The following RGS12 variants were observed in gnomAD, a reference collection of about 807,000 sequenced individuals.
RGS12 encodes regulator of G protein signaling 12, also known as regulator of G-protein signaling 12.
A neutral mutation model predicts 120.1 loss-of-function variants in RGS12; 66 were observed. The ratio of observed to expected loss-of-function variants is 0.55; its 90% CI spans 0.45 to 0.67. The LOEUF is 0.67. Among genes scored for constraint, RGS12 ranks in the 30% least tolerant of loss-of-function variants. The pLI is 0.00. For missense variants in RGS12, 1,859 were observed against 1,957.7 expected (o/e 0.95, Z 0.95); for synonymous variants, 827 against 804.7 (o/e 1.03, Z -0.47).
chr4:3,375,059 AC>A (rs1717493248), intron 3 of RGS12, among the ~76,000 whole-genome samples: 1 of 151,954 alleles, frequency 6.6e-6, no homozygotes, highest in Non-Finnish European at 1.5e-5. Flanking sequence ...CCCGTAACCA[AC>A]CCATGGGTAT....
intron 4 of RGS12, among the ~76,000 whole-genome samples, chr4:3,392,129 G>A (rs1402535953): frequency 6.6e-6 from 1 of 152,196 alleles, no homozygotes; most frequent in Admixed American, 6.5e-5. Flanking sequence ...AGTAGATCCT[G>A]AGTGTGGGGA....
intron 17 of RGS12, chr4:3,431,197 G>A: frequency 7.2e-7 from 1 of 1,384,826 alleles, no homozygotes; most frequent in Non-Finnish European, 9.3e-7. Context: ...CTGGTGTCCT[G>A]AGAGGCTCTT....
chr4:3,413,800 G>A (rs768237634), intron 4 of RGS12: 3 of 442,112 alleles, frequency 6.8e-6, no homozygotes, highest in Non-Finnish European at 1.2e-5. Context: ...CAAGGGTGCT[G>A]TGTGGGCCTG....
At chr4:3,388,764 G>A (rs541281585) in intron 4 of RGS12, among the ~76,000 whole-genome samples, 6 of 152,186 alleles carry the variant, frequency 3.9e-5, no homozygotes, top group South Asian at 4.1e-4. Context: ...GGGTCGGGGT[G>A]GGGGGGTGGT....
chr4:3,299,275 C>T (rs999795137), intron 1 of RGS12, among the ~76,000 whole-genome samples: 1 of 152,068 alleles, frequency 6.6e-6, no homozygotes, highest in South Asian at 2.1e-4. Context: ...CTGCCTCTTC[C>T]CCAGTGACCT....
intron 4 of RGS12, among the ~76,000 whole-genome samples, chr4:3,405,262 C>A (rs1023846062): frequency 6.6e-6 from 1 of 152,316 alleles, no homozygotes; most frequent in East Asian, 1.9e-4. Context: ...GAAACGACAG[C>A]GGACAAATCT....
chr4:3,343,894 C>T (rs1345733772), intron 3 of RGS12, among the ~76,000 whole-genome samples: 3 of 152,184 alleles, frequency 2.0e-5, no homozygotes, highest in African/African-American at 4.8e-5. Context: ...GTCATGTTTT[C>T]AAGATTTACT....
chr4:3,372,523 T>A lies in RGS12; in HGVS notation c.1999-13893T>A, dbSNP rs1471839189. The stretch of plus-strand genomic sequence containing the variant: ...TCCCCCTGTGCTCGAGCTAGGGGTT[T>A]GACTTTAGTCCTCAGCTGTCAGAGG... On this transcript the variant is annotated intron_variant, in intron 3 of 17. Coordinates refer to ENST00000336727, the MANE Select transcript of RGS12 (RefSeq NM_001394154.1). This position sits in a 1 kb window ranked among gnomAD's most constrained non-coding sequence, Gnocchi z 4.3. 6.6e-6 allele frequency among the ~76,000 whole-genome samples: 1 copy of A among 152,184 alleles called. No individual in the cohort carries two copies. Among genetic ancestry groups the A allele is most frequent in the Non-Finnish European group, 1.5e-5 (1 of 68,030 alleles).
intron 16 of RGS12, 105 bp downstream of exon 16, chr4:3,428,816 TC>T: frequency 1.0e-6 from 1 of 994,070 alleles, no homozygotes; most frequent in Non-Finnish European, 1.5e-6. Context: ...GTGACTGCGG[TC>T]CGTCCCTGTG....
intron 2 of RGS12, among the ~76,000 whole-genome samples, chr4:3,335,363 T>C (rs1221134962): frequency 1.3e-5 from 2 of 152,244 alleles, no homozygotes; most frequent in Non-Finnish European, 2.9e-5. Context: ...CTTTTGGGCT[T>C]GGAATTCTTC....
chr4:3,306,637 C>T (rs961194720), intron 1 of RGS12, among the ~76,000 whole-genome samples: 2 of 152,186 alleles, frequency 1.3e-5, no homozygotes, highest in East Asian at 1.9e-4. Flanking sequence ...GCTCCGGCAC[C>T]GAAGCCTCAG....
At chr4:3,301,123 G>T (rs553808296) in intron 1 of RGS12, among the ~76,000 whole-genome samples, 37 of 150,586 alleles carry the variant, frequency 2.5e-4, no homozygotes, top group African/African-American at 8.1e-4. Flanking sequence ...CACGGGGTCT[G>T]TCCCGGCTGC....
rs748954904 is a variant in RGS12, at chr4:3,415,037, A to G, written c.2283+193A>G. On this transcript the variant is annotated intron_variant, in intron 6 of 17. Transcript: ENST00000336727. ...TGTGTGAGAGGGGCGTGTGAGAGGG[A>G]CGTGTGAGAGGGCCACCTGTGTGTG... Among the ~76,000 whole-genome samples the G allele has an allele frequency of 3.6e-3, 222 of 60,896 alleles. 2 individuals carry two copies. Among genetic ancestry groups the G allele is most frequent in the Admixed American group, 2.6e-3 (16 of 6,180 alleles). 40.0% of individuals were successfully genotyped at this position (60,896 alleles called of 152,430 possible).
intron 16 of RGS12, among the ~76,000 whole-genome samples, chr4:3,429,468 A>G (rs10488841): frequency 0.05 from 7,617 of 152,272 alleles, 655 homozygotes; most frequent in African/African-American, 0.17. Context: ...TTTGTTGGCC[A>G]CCGAGCACAA....
chr4:3,409,052 A>G (rs1577063459), intron 4 of RGS12, among the ~76,000 whole-genome samples: 2 of 151,974 alleles, frequency 1.3e-5, no homozygotes, highest in East Asian at 1.9e-4. Context: ...AGCTAAAGCA[A>G]CTCTCACTTG....
rs759264831 is a variant in RGS12, at chr4:3,383,303, G to A, written c.1999-3113G>A. The stretch of plus-strand genomic sequence containing the variant: ...TTCCCTTTACTCTTTTTGGAGTAGC[G>A]GTATATTAAAAAGCATGTTTGGGTG... On this transcript the variant is annotated intron_variant, in intron 3 of 17. Transcript: ENST00000336727. 2.3e-4 allele frequency among the ~76,000 whole-genome samples: 35 copies of A among 152,054 alleles called. 1 individual carries two copies. Among genetic ancestry groups the A allele is most frequent in the African/African-American group, 5.3e-4 (22 of 41,476 alleles).
intron 1 of RGS12, among the ~76,000 whole-genome samples, chr4:3,300,390 G>A (rs1723617926): frequency 6.6e-6 from 1 of 152,224 alleles, no homozygotes; most frequent in African/African-American, 2.4e-5. Context: ...ACAATCGTGT[G>A]GAAGAGGGAC....
intron 4 of RGS12, among the ~76,000 whole-genome samples, chr4:3,400,222 T>G (rs1179959895): frequency 6.6e-6 from 1 of 152,358 alleles, no homozygotes; most frequent in East Asian, 1.9e-4. Flanking sequence ...GTTTCACTTA[T>G]GAGTAAATAT....
chr4:3,290,523 C>T (rs754163637), upstream of RGS12, among the ~76,000 whole-genome samples: 14 of 152,240 alleles, frequency 9.2e-5, no homozygotes, highest in African/African-American at 4.8e-5. Context: ...AAGGGTCATC[C>T]GTGTCGTAGC....
Sources: gnomAD v4.1 joint callset for allele counts (sites outside exome capture counted in the v4.1 genomes callset) on GRCh38, gnomAD v4.1.1 for gene constraint, Gnocchi (gnomAD v3.1) non-coding constraint, MANE v1.5 for transcripts, NCBI Gene and HGNC (gene_info 2026-07-23, HGNC 2026-07-21) for gene names.